The following MTUS2 variants were observed in gnomAD, a reference collection of about 807,000 sequenced individuals.
The protein encoded by MTUS2 is microtubule associated scaffold protein 2.
Under a neutral mutation model 114.1 loss-of-function variants are expected in MTUS2, and 40 were observed. The ratio of observed to expected loss-of-function variants is 0.35; its 90% CI spans 0.27 to 0.46. The LOEUF (loss-of-function observed/expected upper bound fraction) is 0.46. Among genes scored for constraint, MTUS2 ranks in the 20% least tolerant of loss-of-function variants. The probability of loss-of-function intolerance (pLI) is 1.00; values close to 1 mark genes in which losing one functional copy is unlikely to be tolerated. For synonymous variants in MTUS2, 688 were observed against 672.0 expected, an observed-to-expected ratio of 1.02 and a Z score of -0.37; for missense variants, 1,679 against 1,705.4, an observed-to-expected ratio of 0.98 and a Z score of 0.27.
chr13:29,040,340 T>A (rs1887291533), intron 4 of MTUS2, among the ~76,000 whole-genome samples: 1 of 152,248 alleles, frequency 6.6e-6, no homozygotes, highest in African/African-American at 2.4e-5. Flanking sequence ...AGTACATTTG[T>A]ACCACATTGT....
chr13:29,252,184 A>G (rs940927668), intron 5 of MTUS2, among the ~76,000 whole-genome samples: 1 of 151,850 alleles, frequency 6.6e-6, no homozygotes, highest in Non-Finnish European at 1.5e-5. Flanking sequence ...TCTAAATACT[A>G]TTATAATATA....
intron 2 of MTUS2, among the ~76,000 whole-genome samples, chr13:28,996,521 C>G (rs1461911496): frequency 2.6e-5 from 4 of 152,150 alleles, no homozygotes; most frequent in Non-Finnish European, 5.9e-5. Context: ...GTGAATCCAT[C>G]TGGTCCTGGA....
Position 29,026,588 on chromosome 13 carries a change from G to T in MTUS2, c.1890G>T (p.Lys630Asn), listed in dbSNP as rs1886564378. ...AAACAGAGGAGAGGACAGAAACTAA[G>T]CCCATCATTATGCCCAAGCCCAAGC... is the stretch of plus-strand genomic sequence containing the variant. ...VEKTEERTET[K>N]PIIMPKPKHV... is the part of the protein sequence containing the mutation. The change falls in exon 3 of 16, where the codon AAG becomes AAT. Residue 630 changes from lysine (K) to asparagine (N), a missense_variant. By Grantham distance (94) the Lys-to-Asn change is moderately conservative. Coordinates refer to ENST00000612955, the MANE Select transcript of MTUS2 (RefSeq NM_001033602.4). 6.2e-7 allele frequency: 1 copy of T among 1,613,800 alleles called. No homozygotes were observed. Among genetic ancestry groups the T allele is most frequent in the African/African-American group, 1.3e-5 (1 of 74,934 alleles).
intron 6 of MTUS2, among the ~76,000 whole-genome samples, chr13:29,296,045 C>A (rs536732906): frequency 1.3e-5 from 2 of 152,298 alleles, no homozygotes; most frequent in South Asian, 4.1e-4. Flanking sequence ...TAAATGAACA[C>A]TTAGGCAGAT....
At chr13:29,170,512 GATGA>G (rs759920890) in intron 5 of MTUS2, among the ~76,000 whole-genome samples, 1 of 152,192 alleles carries the variant, frequency 6.6e-6, no homozygotes, top group Non-Finnish European at 1.5e-5. Context: ...AAACCCTGGG[GATGA>G]ATATTTTAAT....
chr13:29,441,157 G>GCAGGGACAC (rs1250637446), intron 9 of MTUS2, among the ~76,000 whole-genome samples: 35 of 152,208 alleles, frequency 2.3e-4, no homozygotes, highest in Admixed American at 7.8e-4. Flanking sequence ...GCAGGACCCT[G>GCAGGGACAC]CTACTGCTGC....
intron 2 of MTUS2, among the ~76,000 whole-genome samples, chr13:28,928,852 G>A (rs1881464990): frequency 6.6e-6 from 1 of 152,110 alleles, no homozygotes; most frequent in African/African-American, 2.4e-5. Flanking sequence ...ATGGATGAAT[G>A]GATAAAGAAA....
At chr13:29,262,038 A>C (rs1329417879) in intron 5 of MTUS2, among the ~76,000 whole-genome samples, 1 of 152,238 alleles carries the variant, frequency 6.6e-6, no homozygotes, top group Non-Finnish European at 1.5e-5. Context: ...ATATTAAAGA[A>C]AATTTCCCAA....
At chr13:28,878,497 C>T (rs1292340874) in intron 2 of MTUS2, among the ~76,000 whole-genome samples, 1 of 152,106 alleles carries the variant, frequency 6.6e-6, no homozygotes, top group Non-Finnish European at 1.5e-5. Flanking sequence ...CACCACTGTA[C>T]TTATAGGCCC....
intron 1 of MTUS2, among the ~76,000 whole-genome samples, chr13:28,822,904 A>G (rs1874007961): frequency 6.6e-6 from 1 of 152,232 alleles, no homozygotes; most frequent in Non-Finnish European, 1.5e-5. Context: ...GAGAAAATGC[A>G]AACTGCTATA....
intron 5 of MTUS2, among the ~76,000 whole-genome samples, chr13:29,211,109 G>T (rs1335064549): frequency 6.6e-6 from 1 of 152,134 alleles, no homozygotes; most frequent in Non-Finnish European, 1.5e-5. Context: ...ATTTAGGCAT[G>T]TCTGAGCCCA....
At chr13:29,276,647 C>T (rs1228438510) in intron 5 of MTUS2, among the ~76,000 whole-genome samples, 1 of 152,134 alleles carries the variant, frequency 6.6e-6, no homozygotes, top group Non-Finnish European at 1.5e-5. Context: ...CCTGTAATCC[C>T]AGCACTTTGG....
intron 5 of MTUS2, among the ~76,000 whole-genome samples, chr13:29,279,851 A>G (rs1593255392): frequency 6.6e-6 from 1 of 152,348 alleles, no homozygotes; most frequent in East Asian, 1.9e-4. Context: ...AGGATTTGAT[A>G]CAAGTGCATT....
At chr13:28,917,092 C>A (rs1298120404) in intron 2 of MTUS2, among the ~76,000 whole-genome samples, 1 of 151,852 alleles carries the variant, frequency 6.6e-6, no homozygotes, top group African/African-American at 2.4e-5. Flanking sequence ...TCGAACCATC[C>A]TTGTATCTCA....
intron 5 of MTUS2, among the ~76,000 whole-genome samples, chr13:29,148,621 G>A (rs1316871921): frequency 8.7e-6 from 1 of 115,248 alleles, no homozygotes; most frequent in Non-Finnish European, 2.0e-5. Flanking sequence ...TGGGACTACA[G>A]GCGCCCGCCA....
chr13:28,891,160 G>T (rs1240973712), intron 2 of MTUS2, among the ~76,000 whole-genome samples: 1 of 152,168 alleles, frequency 6.6e-6, no homozygotes, highest in Non-Finnish European at 1.5e-5. Flanking sequence ...CGTTTTGCTT[G>T]TACTAATTAG....
chr13:29,024,375 A>G lies in MTUS2; in HGVS notation c.-242-82A>G, dbSNP rs150648369. The G allele has an allele frequency of 8.3e-4, 243 of 293,464 alleles. No homozygotes were observed. In the East Asian group the frequency reaches 0.013, roughly 15 times the overall value. 18.2% of individuals were successfully genotyped at this position (293,464 alleles called of 1,614,324 possible). A position where few individuals can be genotyped will look rare whatever the true frequency, so the allele number is the denominator to read the frequency against. On this transcript the variant is annotated intron_variant, in intron 2 of 15. Transcript: ENST00000612955. ...ATGAAATAATAATATAGAAATGACA[A>G]ATAAATCTGTGTTTACCACTTTTTT...
chr13:28,946,304 T>TGTGTGCAC (rs1179597309), intron 2 of MTUS2, among the ~76,000 whole-genome samples: 11 of 150,216 alleles, frequency 7.3e-5, no homozygotes, highest in African/African-American at 2.7e-4. Context: ...TGTGTGTGTG[T>TGTGTGCAC]GCGCGCGCAC....
chr13:29,428,712 C>T (rs997131376), intron 8 of MTUS2: 14 of 1,487,408 alleles, frequency 9.4e-6, no homozygotes, highest in Non-Finnish European at 1.3e-5. Context: ...ATAAGGTAGC[C>T]AAGGGAACCA....
Sources: allele counts gnomAD v4.1 joint callset (sites outside exome capture counted in the v4.1 genomes callset), GRCh38; gene constraint gnomAD v4.1.1; transcripts MANE v1.5; gene names NCBI Gene and HGNC (gene_info 2026-07-23, HGNC 2026-07-21).